Variants in TTF2 observed in about 807,000 individuals in gnomAD.
TTF2 encodes the protein transcription termination factor 2.
In TTF2, 108 loss-of-function variants were observed where a neutral mutation model predicts 142.4. The observed-to-expected ratio is 0.76, with a 90% confidence interval of 0.65 to 0.89. The LOEUF is 0.89. Among genes scored for constraint, TTF2 ranks in the 40% least tolerant of loss-of-function variants. The pLI, the probability that TTF2 is intolerant of heterozygous loss-of-function variation, is 0.00. For missense variants in TTF2, 1,327 were observed against 1,379.8 expected (o/e 0.96, Z 0.61); for synonymous variants, 483 against 506.2 (o/e 0.95, Z 0.61).
intron 3 of TTF2, among the ~76,000 whole-genome samples, chr1:117,064,379 A>C (rs1281611308): frequency 6.6e-6 from 1 of 152,186 alleles, no homozygotes; most frequent in African/African-American, 2.4e-5. Context: ...ACACTCCTGA[A>C]GTCTCAGCTA....
At chr1:117,081,413 G>A (rs1647499503) in intron 9 of TTF2, among the ~76,000 whole-genome samples, 1 of 152,232 alleles carries the variant, frequency 6.6e-6, no homozygotes, top group Admixed American at 6.5e-5. Flanking sequence ...GGGAATGGAA[G>A]GCTATTTTAA....
chr1:117,066,692 T>C (rs1424273176), intron 3 of TTF2, among the ~76,000 whole-genome samples: 2 of 127,530 alleles, frequency 1.6e-5, no homozygotes. Flanking sequence ...GGACTAATCA[T>C]GTCTTTTTTT....
Position 117,060,636 on chromosome 1 carries a change from C to T in TTF2, c.131+79C>T. ...GAGCTTCCCGCTCCCCGCTGTCGGG[C>T]GTCACAGGGCCGAGGAGTGGTGGGG... On this transcript the variant is annotated intron_variant, in intron 2 of 22. Coordinates refer to ENST00000369466, the MANE Select transcript of TTF2 (RefSeq NM_003594.4). The T allele has an allele frequency of 3.5e-6, 5 of 1,422,332 alleles. No individual in the cohort carries two copies. In the South Asian group the frequency reaches 6.6e-5, roughly 19 times the overall value. The allele number at this position is 1,422,332 out of a possible 1,614,324, so 88.1% of individuals were successfully genotyped here.
At chr1:117,077,491 TGTGTGTGTAA>T (rs1169016056) in intron 7 of TTF2, among the ~76,000 whole-genome samples, 2 of 152,230 alleles carry the variant, frequency 1.3e-5, no homozygotes, top group South Asian at 4.1e-4. Flanking sequence ...TATTCTTTCG[TGTGTGTGTAA>T]GTGTGTGTAA....
chr1:117,066,571 G>A (rs1214902850), intron 3 of TTF2, among the ~76,000 whole-genome samples: 3 of 152,148 alleles, frequency 2.0e-5, no homozygotes, highest in Non-Finnish European at 4.4e-5. Flanking sequence ...GCTCAGTAGG[G>A]AAACGGTTGC....
At chr1:117,067,395 T>C (rs948966809) in intron 3 of TTF2, among the ~76,000 whole-genome samples, 4 of 151,914 alleles carry the variant, frequency 2.6e-5, no homozygotes, top group Non-Finnish European at 5.9e-5. Flanking sequence ...CCGGGCATGG[T>C]GGCGTGTGCC....
rs1657171883 is a variant in TTF2, at chr1:117,078,165, C to T, written c.1701+122C>T. On this transcript the variant is annotated intron_variant, in intron 8 of 22. Transcript: ENST00000369466. Reference sequence around the variant, plus strand: ...ACAGACAGATGCTTAAATGGCTTCCCTTGCAGCATCCTCTCCTTTTATGCT... The same window carrying T: ...ACAGACAGATGCTTAAATGGCTTCCTTTGCAGCATCCTCTCCTTTTATGCT... The T allele has an allele frequency of 3.2e-6, 4 of 1,268,234 alleles. No individual in the cohort carries two copies. In the East Asian group the frequency reaches 7.7e-5, roughly 24 times the overall value. The allele number at this position is 1,268,234 out of a possible 1,614,324, so 78.6% of individuals were successfully genotyped here.
chr1:117,089,252 A>T (rs1203450954), intron 13 of TTF2, among the ~76,000 whole-genome samples: 57 of 115,574 alleles, frequency 4.9e-4, no homozygotes, highest in African/African-American at 1.4e-3. Context: ...AATATATGCA[A>T]ATATATGCTA....
intron 2 of TTF2, 144 bp from the exon 3 acceptor site, chr1:117,062,243 G>T: frequency 1.5e-6 from 1 of 669,968 alleles, no homozygotes; most frequent in East Asian, 2.8e-5. Flanking sequence ...AATGCCCATA[G>T]CTGTGATAAT....
chr1:117,060,477 C>T lies in TTF2; in HGVS notation c.51C>T (p.Thr17=), dbSNP rs370971416. Residue 17 remains threonine (T), a synonymous_variant, in exon 2 of 23, where the codon ACC becomes ACT. Transcript: ENST00000369466. ...CAGGGACTTTCTGCTTTCTTAAGAC[C>T]GGCGTCCGCGATGGCCCGAATAAAG... The part of the protein sequence containing the change: ...PEHGTFCFLK[T]GVRDGPNKGK... 33 of 1,613,912 alleles carry T rather than the reference C, an allele frequency of 2.0e-5. No individual in the cohort carries two copies. Among genetic ancestry groups the T allele is most frequent in the Non-Finnish European group, 2.6e-5 (31 of 1,179,842 alleles).
intron 19 of TTF2, among the ~76,000 whole-genome samples, chr1:117,095,909 T>C (rs1282135845): frequency 6.6e-6 from 1 of 152,130 alleles, no homozygotes; most frequent in Non-Finnish European, 1.5e-5. Flanking sequence ...TTACTCTAGC[T>C]ACCATTTTTT....
rs1655565492 is a variant in TTF2 at position 117,060,455 on chromosome 1, G to A, written c.29G>A (p.Gly10Glu). 6.2e-7 allele frequency: 1 copy of A among 1,613,548 alleles called. No individual in the cohort carries two copies. Among genetic ancestry groups the A allele is most frequent in the Non-Finnish European group, 8.5e-7 (1 of 1,179,708 alleles). Residue 10 changes from glycine (G) to glutamate (E), a missense_variant and splice_region_variant, in exon 2 of 23, where the codon GGG (glycine) becomes GAG (glutamate). Transcript: ENST00000369466. Reference sequence around the variant, plus strand: ...GTTGTTCACTTTCTTCTCTCTTCAGGGACTTTCTGCTTTCTTAAGACCGGC... The same window carrying A: ...GTTGTTCACTTTCTTCTCTCTTCAGAGACTTTCTGCTTTCTTAAGACCGGC... MEEVRCPEHGTFCFLKTGVR... is the reference protein window; with the variant it reads MEEVRCPEHETFCFLKTGVR...
At chr1:117,060,958 A>G (rs1473502905) in intron 2 of TTF2, among the ~76,000 whole-genome samples, 1 of 152,208 alleles carries the variant, frequency 6.6e-6, no homozygotes, top group African/African-American at 2.4e-5. Flanking sequence ...GTTTTGCACT[A>G]GTTTTAGGCC....
At position 117,076,604 on chromosome 1, in the gene TTF2, T is replaced by C. The variant is rs1032791886; in HGVS notation, c.1391-37T>C. On this transcript the variant is annotated intron_variant, in intron 6 of 22. Coordinates refer to ENST00000369466, the MANE Select transcript of TTF2 (RefSeq NM_003594.4). This position sits in a 1 kb window ranked among gnomAD's most constrained non-coding sequence, Gnocchi z 4.6. ...CATATGGTCCCTTCACTTAGTTTGC[T>C]GAACTTTAATCTGCTCTTCCCTTGT... is the stretch of plus-strand genomic sequence containing the variant. The C allele has an allele frequency of 1.9e-6, 3 of 1,572,666 alleles. No individual in the cohort carries two copies. The highest frequency in any genetic ancestry group is 1.7e-6 in the Non-Finnish European group (2 of 1,157,398).
chr1:117,091,356 C>A lies in TTF2; in HGVS notation c.2617C>A (p.His873Asn). The change falls in exon 16 of 23, where the codon CAT becomes AAT. Residue 873 changes from histidine to asparagine, a missense_variant. By Grantham distance (68) the His-to-Asn change is moderately conservative. Transcript: ENST00000369466. Reference sequence around the variant, plus strand: ...AGCTCTGCAATCCTATCTAAAAAGACATGAAAGTAGAGGCAACCAATCTGG... The same window carrying A: ...AGCTCTGCAATCCTATCTAAAAAGAAATGAAAGTAGAGGCAACCAATCTGG... ...RSALQSYLKR[H>N]ESRGNQSGRS... 6.2e-7 allele frequency: 1 copy of A among 1,613,196 alleles called. No homozygotes were observed. Among genetic ancestry groups the A allele is most frequent in the Non-Finnish European group, 8.5e-7 (1 of 1,179,844 alleles).
chr1:117,068,366 G>A (rs914046905), intron 3 of TTF2, among the ~76,000 whole-genome samples: 13 of 152,126 alleles, frequency 8.5e-5, no homozygotes, highest in East Asian at 1.9e-4. Flanking sequence ...GACATAGGGC[G>A]TGGAACATCA....
chr1:117,096,734 G>A (rs932028661), intron 20 of TTF2, among the ~76,000 whole-genome samples: 1 of 152,152 alleles, frequency 6.6e-6, no homozygotes. Flanking sequence ...TGATTCCTCC[G>A]AGTGTTTAGA....
In TTF2 at chr1:117,094,976, A is replaced by G. The variant is rs150386859; in HGVS notation, c.2977-333A>G. 4.1e-3 allele frequency among the ~76,000 whole-genome samples: 624 copies of G among 152,166 alleles called. 1 individual carries two copies. The highest frequency in any genetic ancestry group is 7.4e-3 in the Non-Finnish European group (504 of 68,010). ...TGGCCAGTGTGTGATTTATGGGAAG[A>G]ATTTTGGTGTGCTTGCTGTGTCGTT... On this transcript the variant is annotated intron_variant, in intron 18 of 22. Transcript: ENST00000369466.
chr1:117,105,350 A>G lies in TTF2; in HGVS notation c.*3826A>G, dbSNP rs1649862877. The stretch of plus-strand genomic sequence containing the variant: ...TATGTAGTTTGACTTTGCCTTAGCC[A>G]TGTTGATCAAATAGGAGTATTGTGC... On this transcript the variant is annotated 3_prime_UTR_variant, in exon 23 of 23. Transcript: ENST00000369466. The surrounding 1 kb of genome is among the most constrained non-coding windows in gnomAD (Gnocchi z 4.7). The G allele has an allele frequency of 6.6e-6, 1 of 152,228 alleles. No homozygotes were observed. Among genetic ancestry groups the G allele is most frequent in the African/African-American group, 2.4e-5 (1 of 41,446 alleles). The allele number at this position is 152,228 out of a possible 1,614,324, so 9.4% of individuals were successfully genotyped here. A position where few individuals can be genotyped will look rare whatever the true frequency, so the allele number is the denominator to read the frequency against.
Sources: allele counts gnomAD v4.1 joint callset (sites outside exome capture counted in the v4.1 genomes callset), GRCh38; gene constraint gnomAD v4.1.1; non-coding constraint Gnocchi (gnomAD v3.1); transcripts MANE v1.5; gene names NCBI Gene and HGNC (gene_info 2026-07-23, HGNC 2026-07-21).